The following DGKB variants were observed in gnomAD, a reference collection of about 807,000 sequenced individuals.
DGKB encodes the protein 90 kDa diacylglycerol kinase.
DGKB carries 67 observed loss-of-function variants against 114.3 expected under a neutral mutation model. That is an observed-to-expected ratio of 0.59 (90% CI 0.48 to 0.72). The LOEUF (loss-of-function observed/expected upper bound fraction) is 0.72, where lower values mean the gene tolerates loss of function less well. Among genes scored for constraint, DGKB ranks in the 30% least tolerant of loss-of-function variants. The probability of loss-of-function intolerance (pLI) is 0.00; values close to 1 mark genes in which losing one functional copy is unlikely to be tolerated. For missense variants in DGKB, 907 were observed against 975.2 expected (o/e 0.93, Z 0.93); for synonymous variants, 398 against 323.1 (o/e 1.23, Z -2.49).
intron 20 of DGKB, among the ~76,000 whole-genome samples, chr7:14,573,153 A>G (rs369361165): frequency 4.6e-5 from 7 of 152,302 alleles, no homozygotes; most frequent in South Asian, 4.1e-4. Context: ...CTGTTTTTAT[A>G]CCAACGTGAA....
chr7:14,646,347 C>T (rs968332402), intron 13 of DGKB, among the ~76,000 whole-genome samples: 35 of 152,140 alleles, frequency 2.3e-4, no homozygotes, highest in African/African-American at 7.2e-4. Context: ...AGTAAATAAA[C>T]ATATATATAC....
intron 2 of DGKB, among the ~76,000 whole-genome samples, chr7:14,781,039 G>T (rs1265971389): frequency 3.3e-5 from 5 of 151,994 alleles, no homozygotes; most frequent in Admixed American, 2.0e-4. Flanking sequence ...CAAATATCTT[G>T]TGATTCTTGA....
intron 20 of DGKB, among the ~76,000 whole-genome samples, chr7:14,554,062 C>A (rs963505428): frequency 6.6e-6 from 1 of 151,590 alleles, no homozygotes; most frequent in South Asian, 2.1e-4. Flanking sequence ...TTAGTAGAGA[C>A]GGGGTTTCAC....
At chr7:14,261,388 G>GTGT (rs1796757404) in intron 23 of DGKB, among the ~76,000 whole-genome samples, 1 of 152,052 alleles carries the variant, frequency 6.6e-6, no homozygotes, top group African/African-American at 2.4e-5. Flanking sequence ...AAATACCTAA[G>GTGT]TGTTGGCATA....
chr7:14,860,671 G>C (rs1253838086), intron 1 of DGKB, among the ~76,000 whole-genome samples: 1 of 151,802 alleles, frequency 6.6e-6, no homozygotes, highest in African/African-American at 2.4e-5. Flanking sequence ...TTTACTGTTA[G>C]TTAGTTATTG....
At chr7:14,448,142 T>C (rs1447490418) in intron 21 of DGKB, among the ~76,000 whole-genome samples, 4 of 152,010 alleles carry the variant, frequency 2.6e-5, no homozygotes, top group Non-Finnish European at 5.9e-5. Context: ...TTTAACAATA[T>C]AGTGGGAGAG....
At chr7:14,213,690 G>T (rs927759553) in intron 23 of DGKB, among the ~76,000 whole-genome samples, 2 of 152,090 alleles carry the variant, frequency 1.3e-5, no homozygotes, top group Non-Finnish European at 1.5e-5. Flanking sequence ...GTGCAAAAAT[G>T]CTGATTATTC....
At position 14,633,073 on chromosome 7, in the gene DGKB, T is replaced by C. The variant is rs556088741; in HGVS notation, c.1135-2805A>G. On this transcript the variant is annotated intron_variant, in intron 13 of 25. Transcript: ENST00000402815. Reference sequence around the variant, plus strand: ...CTGTGGTATGAAATTGAAACCTAGCTACCACTTTGCAATTAATTGGCAATT... The same window carrying C: ...CTGTGGTATGAAATTGAAACCTAGCCACCACTTTGCAATTAATTGGCAATT... Among the ~76,000 whole-genome samples, 13 of 152,024 alleles carry C rather than the reference T, an allele frequency of 8.6e-5. No homozygotes were observed. In the South Asian group the frequency reaches 1.9e-3, roughly 22 times the overall value.
At chr7:14,232,158 A>G (rs993288846) in intron 23 of DGKB, among the ~76,000 whole-genome samples, 1 of 151,936 alleles carries the variant, frequency 6.6e-6, no homozygotes, top group African/African-American at 2.4e-5. Flanking sequence ...AGAGTAATAT[A>G]AGAGGATTAA....
intron 21 of DGKB, among the ~76,000 whole-genome samples, chr7:14,436,942 C>T (rs546081087): frequency 5.3e-5 from 8 of 152,074 alleles, no homozygotes; most frequent in African/African-American, 1.4e-4. Flanking sequence ...AGTTAAAATG[C>T]TTTCCTAGTA....
In DGKB at chr7:14,941,959, AT is replaced by A. The variant is rs375417175; in HGVS notation, c.-188+32736del. Among the ~76,000 whole-genome samples the A allele has an allele frequency of 4.2e-3, 641 of 152,118 alleles. 5 individuals carry two copies. Among genetic ancestry groups the A allele is most frequent in the African/African-American group, 0.015 (615 of 41,530 alleles). ...TAATCATATATTTGGAGCCTCATTC[AT>A]TTTTGCTTATTGGTTCATAAACCTA... On this transcript the variant is annotated intron_variant, in intron 1 of 4. Coordinates refer to the DGKB transcript ENST00000437998.
chr7:14,289,246 A>C (rs2128469064), intron 23 of DGKB, among the ~76,000 whole-genome samples: 1 of 152,304 alleles, frequency 6.6e-6, no homozygotes, highest in South Asian at 2.1e-4. Flanking sequence ...AATTTTAAAT[A>C]TTTCTCCAGG....
At chr7:14,224,459 A>C (rs2128328266) in intron 23 of DGKB, among the ~76,000 whole-genome samples, 1 of 152,002 alleles carries the variant, frequency 6.6e-6, no homozygotes, top group African/African-American at 2.4e-5. Flanking sequence ...GCTAATTTGA[A>C]GGCTTTGTCT....
In DGKB at chr7:14,216,207, A is replaced by G. The variant is rs78460341; in HGVS notation, c.2123-38056T>C. ...AGAAGAAATAATTTAAATTTTTTCTACTTTAACTTTTTAATCTGGACAGAA... is the reference window on the plus strand; with the variant it reads ...AGAAGAAATAATTTAAATTTTTTCTGCTTTAACTTTTTAATCTGGACAGAA... On this transcript the variant is annotated intron_variant, in intron 23 of 25. Transcript: ENST00000402815. Among the ~76,000 whole-genome samples, 840 of 152,282 alleles carry G rather than the reference A, an allele frequency of 5.5e-3. 6 individuals carry two copies. Among genetic ancestry groups the G allele is most frequent in the African/African-American group, 0.019 (804 of 41,568 alleles).
intron 20 of DGKB, among the ~76,000 whole-genome samples, chr7:14,513,504 C>T (rs1788290317): frequency 6.6e-6 from 1 of 152,000 alleles, no homozygotes; most frequent in Non-Finnish European, 1.5e-5. Context: ...CAAACAGTCT[C>T]ATTCTGGGAG....
Position 14,426,346 on chromosome 7 carries a change from C to T in DGKB, c.1835+51815G>A, listed in dbSNP as rs1337705068. ...AGCCATGCAGCGTACATGTGAGACA[C>T]AAGAATCAAACCCTTAAGCTTTATT... On this transcript the variant is annotated intron_variant, in intron 21 of 25. Coordinates refer to ENST00000402815, the MANE Select transcript of DGKB (RefSeq NM_001350709.2). Among the ~76,000 whole-genome samples the T allele has an allele frequency of 2.0e-5, 3 of 152,226 alleles. No individual in the cohort carries two copies. The East Asian group carries it at 5.8e-4, about 29-fold the overall frequency.
intron 13 of DGKB, among the ~76,000 whole-genome samples, chr7:14,649,511 G>A (rs1183025395): frequency 6.6e-6 from 1 of 151,910 alleles, no homozygotes; most frequent in Non-Finnish European, 1.5e-5. Flanking sequence ...AACATGGAAA[G>A]GAACAACCGG....
At chr7:14,956,810 G>T (rs1786530167) in intron 1 of DGKB, among the ~76,000 whole-genome samples, 1 of 151,866 alleles carries the variant, frequency 6.6e-6, no homozygotes, top group Non-Finnish European at 1.5e-5. Flanking sequence ...ATTTTTGTTT[G>T]TATCTGAAGT....
intron 1 of DGKB, among the ~76,000 whole-genome samples, chr7:14,925,642 A>G (rs1159884573): frequency 6.6e-6 from 1 of 152,110 alleles, no homozygotes; most frequent in African/African-American, 2.4e-5. Context: ...TGAATATTTC[A>G]TCTTCTTTAG....
Sources: allele counts gnomAD v4.1 joint callset (sites outside exome capture counted in the v4.1 genomes callset), GRCh38; gene constraint gnomAD v4.1.1; transcripts MANE v1.5; gene names NCBI Gene and HGNC (gene_info 2026-07-23, HGNC 2026-07-21).